CPNE9: variants seen among roughly 807,000 people sequenced by gnomAD.
The protein encoded by CPNE9 is copine family member 9, also known as copine-9.
In CPNE9, 59 loss-of-function variants were observed where a neutral mutation model predicts 83.0. The ratio of observed to expected loss-of-function variants is 0.71; its 90% CI spans 0.58 to 0.88. The LOEUF (loss-of-function observed/expected upper bound fraction) is 0.88. Ranked by LOEUF, CPNE9 falls within the 40% of genes least tolerant of loss-of-function variation. The probability of loss-of-function intolerance (pLI) is 0.00; values close to 1 mark genes in which losing one functional copy is unlikely to be tolerated. For missense variants in CPNE9, 619 were observed against 720.8 expected (o/e 0.86, Z 1.62); for synonymous variants, 256 against 273.4 (o/e 0.94, Z 0.63).
chr3:9,713,150 ATAG>A (rs1559639291), intron 10 of CPNE9, 71 bp downstream of exon 10: 4 of 1,157,262 alleles, frequency 3.5e-6, no homozygotes, highest in Non-Finnish European at 3.8e-6. Context: ...CCCAAGAATG[ATAG>A]TAGAAGTATC....
In CPNE9 at chr3:9,704,979, A is replaced by G; in HGVS notation, c.245A>G (p.Asn82Ser). The G allele has an allele frequency of 6.2e-7, 1 of 1,611,458 alleles. No individual in the cohort carries two copies. Among genetic ancestry groups the G allele is most frequent in the South Asian group, 1.1e-5 (1 of 90,668 alleles). ...VLDYFFEEKQNLRFDVYNVDS... is the reference protein window; with the variant it reads ...VLDYFFEEKQSLRFDVYNVDS... ...GACTATTTCTTTGAGGAAAAGCAAA[A>G]TCTGCGCTTCGATGTGTGAGGCCCC... Residue 82 changes from asparagine to serine, a missense_variant, in exon 4 of 21, where the codon AAT becomes AGT. Asn to Ser is a conservative substitution (Grantham distance 46, BLOSUM62 1). Coordinates refer to ENST00000383832, the MANE Select transcript of CPNE9 (RefSeq NM_153635.3). The surrounding 1 kb of genome is among the most constrained non-coding windows in gnomAD (Gnocchi z 7.1).
chr3:9,729,146 A>G (rs552882532), intron 20 of CPNE9, among the ~76,000 whole-genome samples: 162 of 152,276 alleles, frequency 1.1e-3, no homozygotes, highest in African/African-American at 3.5e-3. Context: ...CAAGAGTGGG[A>G]CGTGTCCAGA....
chr3:9,726,126 T>A, intron 18 of CPNE9, 75 bp downstream of exon 18: 2 of 925,392 alleles, frequency 2.2e-6, no homozygotes, highest in Non-Finnish European at 3.2e-6. Flanking sequence ...TTATCCTACT[T>A]GCAAGCTAAC....
intron 7 of CPNE9, among the ~76,000 whole-genome samples, chr3:9,711,361 C>A (rs2076626244): frequency 6.7e-6 from 1 of 150,104 alleles, no homozygotes; most frequent in Non-Finnish European, 1.5e-5. Context: ...CGCCACCACG[C>A]CCAGCTAATT....
At chr3:9,705,036 C>G in intron 4 of CPNE9, 42 bp downstream of exon 4, 1 of 1,436,426 alleles carries the variant, frequency 7.0e-7, no homozygotes, top group Non-Finnish European at 9.6e-7. Context: ...CGCCCCCGAC[C>G]TGGATCCGCC....
intron 15 of CPNE9, among the ~76,000 whole-genome samples, chr3:9,717,390 T>C (rs1377951072): frequency 6.6e-6 from 1 of 152,206 alleles, no homozygotes; most frequent in Admixed American, 6.5e-5. Flanking sequence ...GAGTCATGAA[T>C]GGATGCATAG....
intron 17 of CPNE9, among the ~76,000 whole-genome samples, chr3:9,725,689 CATATATGTGTATATATGTGT>C (rs374440539): frequency 2.0e-5 from 2 of 100,628 alleles, no homozygotes; most frequent in Admixed American, 1.1e-4. Context: ...TATATATATA[CATATATGTGTATATATGTGT>C]ATATATGTGT....
At chr3:9,727,350 G>A (rs1473208911) in intron 20 of CPNE9, 164 bp downstream of exon 20, 5 of 846,362 alleles carry the variant, frequency 5.9e-6, no homozygotes, top group Non-Finnish European at 1.0e-5. Flanking sequence ...CAAACAGGAA[G>A]GTTGCTGCAG....
rs2076642531 is a variant in CPNE9, at chr3:9,712,771, A to T, written c.488A>T (p.Asp163Val). Reference protein sequence around the residue: ...QLCANKLDKKDFFGKSDPFLV... With the variant: ...QLCANKLDKKVFFGKSDPFLV... ...TGTGCAAACAAGCTGGACAAGAAGGACTTCTTTGGGAAATCAGACCCCTTC... is the reference window on the plus strand; with the variant it reads ...TGTGCAAACAAGCTGGACAAGAAGGTCTTCTTTGGGAAATCAGACCCCTTC... Residue 163 changes from aspartate to valine, a missense_variant, in exon 9 of 21, where the codon GAC becomes GTC. By Grantham distance (152) the Asp-to-Val change is radical (BLOSUM62 -3). Around this residue, in one of 3 missense-constraint regions of CPNE9, gnomAD observed 438 missense variants for 562.9 expected, o/e 0.78. Coordinates refer to ENST00000383832, the MANE Select transcript of CPNE9 (RefSeq NM_153635.3). 2 of 1,614,046 alleles carry T rather than the reference A, an allele frequency of 1.2e-6. No homozygotes were observed. Among genetic ancestry groups the T allele is most frequent in the Non-Finnish European group, 1.7e-6 (2 of 1,180,032 alleles).
intron 17 of CPNE9, among the ~76,000 whole-genome samples, chr3:9,721,766 T>C (rs941280594): frequency 2.6e-5 from 4 of 152,126 alleles, no homozygotes; most frequent in Admixed American, 1.3e-4. Context: ...GATAATGGAC[T>C]GGGGATAGAG....
At chr3:9,722,165 C>CT (rs1553691415) in intron 17 of CPNE9, among the ~76,000 whole-genome samples, 1 of 151,564 alleles carries the variant, frequency 6.6e-6, no homozygotes, top group African/African-American at 2.4e-5. Flanking sequence ...GATCCACCCC[C>CT]CCCCGCCACC....
rs148016697 is a variant in CPNE9 at position 9,725,411 on chromosome 3, C to T, written c.1242-538C>T. 2.9e-4 allele frequency among the ~76,000 whole-genome samples: 44 copies of T among 151,772 alleles called. No homozygotes were observed. The East Asian group carries it at 7.6e-3, about 26-fold the overall frequency. Reference sequence around the variant, plus strand: ...GTAGCCAGGTGTGGTGGCTCACACCCGTAGTCCCAGCTACTCAGGAGGCTG... The same window carrying T: ...GTAGCCAGGTGTGGTGGCTCACACCTGTAGTCCCAGCTACTCAGGAGGCTG... On this transcript the variant is annotated intron_variant, in intron 17 of 20. Transcript: ENST00000383832.
At chr3:9,714,676 A>G (rs1258470918) in intron 10 of CPNE9, among the ~76,000 whole-genome samples, 1 of 150,882 alleles carries the variant, frequency 6.6e-6, no homozygotes, top group Non-Finnish European at 1.5e-5. Flanking sequence ...AAACCAACCA[A>G]ACAAACAAAA....
intron 17 of CPNE9, among the ~76,000 whole-genome samples, chr3:9,722,163 C>CCG (rs1553691410): frequency 6.6e-5 from 10 of 151,594 alleles, no homozygotes; most frequent in Admixed American, 2.0e-4. Context: ...GTGATCCACC[C>CCG]CCCCCCGCCA....
At position 9,718,060 on chromosome 3, in the gene CPNE9, CAT is replaced by C; in HGVS notation, c.964_965del (p.Met322GlufsTer23). On this transcript the variant is annotated frameshift_variant, in exon 16 of 21. Coordinates refer to ENST00000383832, the MANE Select transcript of CPNE9 (RefSeq NM_153635.3). LOFTEE classifies it high-confidence loss of function. Reference sequence around the variant, plus strand: ...CTCTGCAGCCTACCTCCCTGCACTACATGAGTCCCTACCAGCTCAGCGCCTAT... The same window carrying C: ...CTCTGCAGCCTACCTCCCTGCACTACGAGTCCCTACCAGCTCAGCGCCTAT... Reference protein sequence around the residue: ...NPLQPTSLHYMSPYQLSAYAM... With the variant: ...NPLQPTSLHYXSPYQLSAYAM... The C allele has an allele frequency of 6.2e-7, 1 of 1,613,854 alleles. No individual in the cohort carries two copies. Among genetic ancestry groups the C allele is most frequent in the Non-Finnish European group, 8.5e-7 (1 of 1,179,838 alleles).
rs2076556301 is a variant in CPNE9, at chr3:9,705,630, G to A, written c.298-88G>A. The A allele has an allele frequency of 2.5e-6, 4 of 1,576,498 alleles. No homozygotes were observed. The South Asian group carries it at 4.4e-5, about 17-fold the overall frequency. On this transcript the variant is annotated intron_variant, in intron 5 of 20. Transcript: ENST00000383832. The stretch of plus-strand genomic sequence containing the variant: ...CTTCAGGCCCCCAACCCACCCTCCT[G>A]GTCCCTCTCCTCCTGCCTGAGTGTC...
At chr3:9,729,170 A>G (rs2076808706) in intron 20 of CPNE9, among the ~76,000 whole-genome samples, 1 of 152,158 alleles carries the variant, frequency 6.6e-6, no homozygotes, top group Non-Finnish European at 1.5e-5. Context: ...ATTATGGTCA[A>G]ATGTAATGGA....
chr3:9,705,888 C>A, intron 6 of CPNE9, 99 bp from the exon 7 acceptor site: 2 of 1,429,214 alleles, frequency 1.4e-6, no homozygotes, highest in Non-Finnish European at 1.9e-6. Context: ...ACTCATTCGC[C>A]TGGGAACTGC....
At chr3:9,725,780 T>C (rs1575134526) in intron 17 of CPNE9, among the ~76,000 whole-genome samples, 169 bp from the exon 18 acceptor site, 1 of 151,466 alleles carries the variant, frequency 6.6e-6, no homozygotes, top group Non-Finnish European at 1.5e-5. Context: ...TATATACACA[T>C]ATATATATGC....
Sources: allele counts gnomAD v4.1 joint callset (sites outside exome capture counted in the v4.1 genomes callset), GRCh38; gene constraint gnomAD v4.1.1; regional missense constraint gnomAD v4.1.1; non-coding constraint Gnocchi (gnomAD v3.1); transcripts MANE v1.5; gene names NCBI Gene and HGNC (gene_info 2026-07-23, HGNC 2026-07-21).